THOC2: variants seen among roughly 807,000 people sequenced by gnomAD.
THOC2 encodes the protein THO complex 2.
THOC2 carries 10 observed loss-of-function variants against 128.4 expected under a neutral mutation model. That is an observed-to-expected ratio of 0.08 (90% CI 0.05 to 0.13). The LOEUF (loss-of-function observed/expected upper bound fraction) is 0.13, where lower values mean the gene tolerates loss of function less well. THOC2 is among the 10% of genes least tolerant of loss of function. The probability of loss-of-function intolerance (pLI) is 1.00; values close to 1 mark genes in which losing one functional copy is unlikely to be tolerated. For missense variants in THOC2, 535 were observed against 1,155.7 expected, an observed-to-expected ratio of 0.46 and a Z score of 7.79; for synonymous variants, 393 against 396.9, an observed-to-expected ratio of 0.99 and a Z score of 0.12.
chrX:123,624,022 G>C, intron 27 of THOC2, 38 bp downstream of exon 27: 1 of 1,181,640 alleles, frequency 8.5e-7, no homozygotes, highest in Non-Finnish European at 1.1e-6. Flanking sequence ...AGTATACAGA[G>C]AAAAATTTGC....
At chrX:123,640,662 A>T (rs773597565) in intron 15 of THOC2, 40 bp from the exon 16 acceptor site, 1 of 834,616 alleles carries the variant, frequency 1.2e-6, no homozygotes, top group Admixed American at 3.0e-5. Flanking sequence ...CATCTTAAGT[A>T]ACATTCCTTG....
chrX:123,707,791 AT>A (rs2050995447), intron 2 of THOC2, among the ~76,000 whole-genome samples: 1 of 110,679 alleles, frequency 9.0e-6, no homozygotes, highest in African/African-American at 3.3e-5. Flanking sequence ...TGGAATCAAA[AT>A]TTTTTCAGAA....
At chrX:123,675,854 A>G (rs2049468949) in intron 8 of THOC2, among the ~76,000 whole-genome samples, 2 of 111,417 alleles carry the variant, frequency 1.8e-5, no homozygotes, top group African/African-American at 6.5e-5. Context: ...ATGTTCTGTT[A>G]GCTTAGTGAC....
chrX:123,668,174 CTCT>C lies in THOC2; in HGVS notation c.999_1001del (p.Glu335del), dbSNP rs2049123032. The stretch of plus-strand genomic sequence containing the variant: ...AATTACATACTTTCTCTACTTTCTC[CTCT>C]TCTTTTTCCTTTTCTTTCTCTCGCT... On this transcript the variant is annotated inframe_deletion, in exon 10 of 39. Transcript: ENST00000245838. The C allele has an allele frequency of 8.4e-7, 1 of 1,187,475 alleles. No homozygotes were observed. The highest frequency in any genetic ancestry group is 1.1e-6 in the Non-Finnish European group (1 of 882,162).
chrX:123,630,151 C>T (rs1451654423), intron 22 of THOC2, among the ~76,000 whole-genome samples: 1 of 111,800 alleles, frequency 8.9e-6, no homozygotes, highest in Non-Finnish European at 1.9e-5. Flanking sequence ...ATGAATATGT[C>T]CTTGTCTAAA....
At chrX:123,601,575 C>T (rs2046280815) in intron 38 of THOC2, 1 of 110,069 alleles carries the variant, frequency 9.1e-6, no homozygotes, top group African/African-American at 3.3e-5. Context: ...TAAGAAAGAA[C>T]AAGAAGTTAA....
At chrX:123,654,736 G>T (rs944895219) in intron 12 of THOC2, among the ~76,000 whole-genome samples, 1 of 87,060 alleles carries the variant, frequency 1.1e-5, no homozygotes, top group Non-Finnish European at 2.2e-5. Flanking sequence ...TCCAGCCTGG[G>T]TGACAGAGCT....
Position 123,627,854 on chromosome X carries a change from A to C in THOC2, c.2596T>G (p.Ser866Ala). 8.3e-7 allele frequency: 1 copy of C among 1,212,073 alleles called. No individual in the cohort carries two copies. The highest frequency in any genetic ancestry group is 1.1e-6 in the Non-Finnish European group (1 of 895,553). Residue 866 changes from serine (S) to alanine (A), a missense_variant, in exon 23 of 39, where the codon TCC becomes GCC. Coordinates refer to ENST00000245838, the MANE Select transcript of THOC2 (RefSeq NM_001081550.2). ...TCCCAGACTTTGGAAACATGTAAGG[A>C]GACCACTGCTTCATGGACAGGCGCC... ...VMAPVHEAVVSLHVSKVWDDI... is the reference protein window; with the variant it reads ...VMAPVHEAVVALHVSKVWDDI...
At chrX:123,636,030 A>G (rs921057397) in intron 19 of THOC2, 49 bp downstream of exon 19, 1 of 1,055,931 alleles carries the variant, frequency 9.5e-7, no homozygotes, top group Non-Finnish European at 1.3e-6. Context: ...ACCCCAAACC[A>G]CCAAAAGTAC....
intron 2 of THOC2, among the ~76,000 whole-genome samples, chrX:123,712,320 T>C (rs1399055352): frequency 8.9e-6 from 1 of 111,867 alleles, no homozygotes; most frequent in Non-Finnish European, 1.9e-5. Flanking sequence ...AAACTAAAGT[T>C]ACTGGAAAAT....
chrX:123,624,338 A>G (rs1283466847), intron 26 of THOC2, 147 bp from the exon 27 acceptor site: 3 of 718,102 alleles, frequency 4.2e-6, no homozygotes, highest in Non-Finnish European at 5.9e-6. Context: ...CAACTTATAC[A>G]AAGATACTAA....
intron 38 of THOC2, among the ~76,000 whole-genome samples, chrX:123,608,406 A>C (rs1366178690): frequency 1.9e-5 from 2 of 105,457 alleles, no homozygotes; most frequent in Non-Finnish European, 3.9e-5. Context: ...ATCTCAAAAC[A>C]AACAAACAAA....
chrX:123,614,546 A>G (rs2046818270), intron 33 of THOC2, among the ~76,000 whole-genome samples: 1 of 110,305 alleles, frequency 9.1e-6, no homozygotes. Context: ...TGTTTAAAAA[A>G]AAAAAGAAAA....
At chrX:123,624,425 C>G in intron 26 of THOC2, 116 bp downstream of exon 26, 2 of 856,301 alleles carry the variant, frequency 2.3e-6, no homozygotes, top group Non-Finnish European at 3.3e-6. Context: ...CTTATAAACA[C>G]AGTTTTACAA....
At chrX:123,717,693 C>CAA (rs753080854) in intron 1 of THOC2, among the ~76,000 whole-genome samples, 1,274 of 82,448 alleles carry the variant, frequency 0.015, 13 homozygotes, top group Admixed American at 0.034. Flanking sequence ...TATATGGAAC[C>CAA]AAAAAAAAAA....
chrX:123,704,489 C>T (rs1291905282), intron 3 of THOC2, among the ~76,000 whole-genome samples: 1 of 111,544 alleles, frequency 9.0e-6, no homozygotes, highest in Non-Finnish European at 1.9e-5. Context: ...CCTTATTGCC[C>T]TCCTCCCTCC....
chrX:123,703,725 CAAAAAAAAAAA>C (rs761049104), intron 3 of THOC2, among the ~76,000 whole-genome samples: 5 of 29,783 alleles, frequency 1.7e-4, no homozygotes, highest in East Asian at 2.5e-3. Context: ...CCATCTCTAC[CAAAAAAAAAAA>C]AAAAAAAAAA....
intron 34 of THOC2, 123 bp downstream of exon 34, chrX:123,613,915 TTCAGGGTAAAAATA>T: frequency 1.3e-6 from 1 of 744,294 alleles, no homozygotes; most frequent in Non-Finnish European, 1.9e-6. Context: ...ATGCAAACAC[TTCAGGGTAAAAATA>T]TCAATAAAAT....
intron 1 of THOC2, among the ~76,000 whole-genome samples, chrX:123,724,949 G>A (rs750516079): frequency 6.4e-5 from 7 of 110,141 alleles, no homozygotes; most frequent in Non-Finnish European, 1.1e-4. Flanking sequence ...ATGGTAGCAC[G>A]CGCCTGTGGG....
Sources: gnomAD v4.1 joint callset for allele counts (sites outside exome capture counted in the v4.1 genomes callset) on GRCh38, gnomAD v4.1.1 for gene constraint, MANE v1.5 for transcripts, NCBI Gene and HGNC (gene_info 2026-07-23, HGNC 2026-07-21) for gene names.